ABCD3: variants seen among roughly 807,000 people sequenced by gnomAD.
ABCD3 encodes the protein ATP-binding cassette sub-family D member 3.
A neutral mutation model predicts 105.5 loss-of-function variants in ABCD3; 41 were observed. That is an observed-to-expected ratio of 0.39 (90% confidence interval 0.30 to 0.50). The LOEUF is 0.50. Ranked by LOEUF, ABCD3 falls within the 20% of genes least tolerant of loss-of-function variation. ABCD3 has a pLI of 0.84. For missense variants in ABCD3, 622 were observed against 806.3 expected, an observed-to-expected ratio of 0.77 and a Z score of 2.77; for synonymous variants, 258 against 269.0, an observed-to-expected ratio of 0.96 and a Z score of 0.40.
At chr1:94,506,390 A>G in intron 20 of ABCD3, 148 bp from the exon 21 acceptor site, 1 of 605,294 alleles carries the variant, frequency 1.7e-6, no homozygotes, top group Non-Finnish European at 3.0e-6. Flanking sequence ...TATTGTTTCT[A>G]TTTCTGGGAA....
At chr1:94,444,769 C>T (rs552130286) in intron 1 of ABCD3, among the ~76,000 whole-genome samples, 8 of 152,260 alleles carry the variant, frequency 5.3e-5, no homozygotes, top group Non-Finnish European at 1.0e-4. Context: ...TGTCTAGGTT[C>T]ACTTGTAAGA....
Position 94,458,590 on chromosome 1 carries a change from C to A in ABCD3, c.111-17C>A. The A allele has an allele frequency of 6.2e-7, 1 of 1,607,552 alleles. No individual in the cohort carries two copies. The highest frequency in any genetic ancestry group is 8.5e-7 in the Non-Finnish European group (1 of 1,174,456). ...TCACATAAAGTAAAGCTCTCTCTCTCTTTTTTTCCTCTGCAGTAAGAAAAG... is the reference window on the plus strand; with the variant it reads ...TCACATAAAGTAAAGCTCTCTCTCTATTTTTTTCCTCTGCAGTAAGAAAAG... On this transcript the variant is annotated splice_polypyrimidine_tract_variant and intron_variant, in intron 1 of 22. Transcript: ENST00000370214.
At chr1:94,390,271 C>A in the ABCD3 span, among the ~76,000 whole-genome samples, 2 of 151,986 alleles carry the variant, frequency 1.3e-5, no homozygotes, top group Non-Finnish European at 2.9e-5. Context: ...GATATCAATG[C>A]TCCTGCACTT....
At position 94,479,350 on chromosome 1, in the gene ABCD3, C is replaced by G. The variant is rs182472054; in HGVS notation, c.684+1035C>G. 4.8e-3 allele frequency among the ~76,000 whole-genome samples: 727 copies of G among 151,728 alleles called. 1 individual carries two copies. The highest frequency in any genetic ancestry group is 7.3e-3 in the Non-Finnish European group (497 of 67,942). On this transcript the variant is annotated intron_variant, in intron 8 of 22. Transcript: ENST00000370214. ...CTACTTGTTATCTGATTCTGCATTT[C>G]TTAAAGGCAGAAACTGTTTTAGTTA...
At chr1:94,387,643 G>T in the ABCD3 span, among the ~76,000 whole-genome samples, 4 of 152,132 alleles carry the variant, frequency 2.6e-5, no homozygotes, top group Non-Finnish European at 5.9e-5. Context: ...TCAAATGTAG[G>T]ATCAGGCATT....
At chr1:94,503,302 G>A (rs558710888) in intron 20 of ABCD3, among the ~76,000 whole-genome samples, 1 of 152,276 alleles carries the variant, frequency 6.6e-6, no homozygotes, top group Admixed American at 6.5e-5. Context: ...TCCTTTGGGA[G>A]CAGAGAGGAG....
At chr1:94,475,349 A>G (rs113318251) in intron 6 of ABCD3, 109 bp downstream of exon 6, 208 of 832,416 alleles carry the variant, frequency 2.5e-4, no homozygotes, top group African/African-American at 1.9e-3. Context: ...TAAGAAAACC[A>G]CTCTTAGGTA....
chr1:94,418,713 C>A, intron 1 of ABCD3, 125 bp downstream of exon 1: 1 of 971,380 alleles, frequency 1.0e-6, no homozygotes, highest in Non-Finnish European at 1.5e-6. Flanking sequence ...GGGCCGACCG[C>A]GACTGCCGTG....
At chr1:94,509,393 A>G (rs1159832955) in intron 21 of ABCD3, among the ~76,000 whole-genome samples, 1 of 152,124 alleles carries the variant, frequency 6.6e-6, no homozygotes, top group African/African-American at 2.4e-5. Flanking sequence ...GTTTGCGAGT[A>G]TTTTATTGAG....
intron 9 of ABCD3, 73 bp downstream of exon 9, chr1:94,480,679 A>G: frequency 2.0e-6 from 3 of 1,529,010 alleles, no homozygotes; most frequent in Non-Finnish European, 2.7e-6. Context: ...AATTGACTCC[A>G]AAAAGTCTAG....
At chr1:94,439,381 C>T (rs955526763) in intron 1 of ABCD3, among the ~76,000 whole-genome samples, 1 of 151,808 alleles carries the variant, frequency 6.6e-6, no homozygotes, top group Non-Finnish European at 1.5e-5. Context: ...GTGGCTCATA[C>T]CTATAATCCC....
chr1:94,499,533 T>C lies in ABCD3; in HGVS notation c.1659T>C (p.His553=), dbSNP rs755597127. Residue 553 remains histidine (H), a synonymous_variant, in exon 20 of 23, where the codon CAT becomes CAC. Transcript: ENST00000370214. The part of the protein sequence containing the change: ...KEYLDNVQLG[H]ILEREGGWDS... Reference sequence around the variant, plus strand: ...ACTTAGACAATGTCCAGTTGGGTCATATCCTTGAACGTGAAGGAGGCTGGG... The same window carrying C: ...ACTTAGACAATGTCCAGTTGGGTCACATCCTTGAACGTGAAGGAGGCTGGG... 3 of 1,613,608 alleles carry C rather than the reference T, an allele frequency of 1.9e-6. No individual in the cohort carries two copies. The highest frequency in any genetic ancestry group is 1.7e-5 in the Admixed American group (1 of 59,980).
chr1:94,424,294 T>C (rs1570729500), intron 1 of ABCD3, among the ~76,000 whole-genome samples: 1 of 152,208 alleles, frequency 6.6e-6, no homozygotes, highest in Admixed American at 6.5e-5. Context: ...TCAAGGCTTT[T>C]GCTCTTGCTG....
At chr1:94,444,331 C>CAAA (rs35583952) in intron 1 of ABCD3, among the ~76,000 whole-genome samples, 20 of 93,290 alleles carry the variant, frequency 2.1e-4, no homozygotes, top group African/African-American at 4.7e-4. Flanking sequence ...GACTCCATCT[C>CAAA]AAAAAAAAAA....
At chr1:94,480,028 G>A (rs751641066) in intron 8 of ABCD3, among the ~76,000 whole-genome samples, 1 of 151,942 alleles carries the variant, frequency 6.6e-6, no homozygotes, top group Non-Finnish European at 1.5e-5. Flanking sequence ...AAGAGTGATA[G>A]GACTAGAGGT....
chr1:94,447,959 C>T lies in ABCD3; in HGVS notation c.111-10648C>T, dbSNP rs577753220. Among the ~76,000 whole-genome samples the T allele has an allele frequency of 3.9e-5, 6 of 152,324 alleles. No homozygotes were observed. The East Asian group carries it at 1.2e-3, about 29-fold the overall frequency. The stretch of plus-strand genomic sequence containing the variant: ...CTATCCTTAGAGGAGATCCTAGTCT[C>T]ACTAGCCCTTGGCAATTAACAAAAG... On this transcript the variant is annotated intron_variant, in intron 1 of 22. Coordinates refer to ENST00000370214, the MANE Select transcript of ABCD3 (RefSeq NM_002858.4).
At chr1:94,492,220 G>A (rs1383186865) in intron 16 of ABCD3, among the ~76,000 whole-genome samples, 1 of 152,140 alleles carries the variant, frequency 6.6e-6, no homozygotes, top group African/African-American at 2.4e-5. Context: ...ATGGCCATCT[G>A]TAGTTTGTGT....
the ABCD3 span, chr1:94,406,357 T>TTTC: frequency 6.0e-5 from 13 of 218,046 alleles, no homozygotes; most frequent in Non-Finnish European, 7.3e-5. Context: ...TTTTTTTTTT[T>TTTC]ACAGTCCAGT....
At chr1:94,456,876 T>C (rs762089295) in intron 1 of ABCD3, among the ~76,000 whole-genome samples, 4 of 152,194 alleles carry the variant, frequency 2.6e-5, no homozygotes, top group Non-Finnish European at 4.4e-5. Flanking sequence ...CCAACAATGT[T>C]CAAGTGTTCT....
Sources: gnomAD v4.1 joint callset for allele counts (sites outside exome capture counted in the v4.1 genomes callset) on GRCh38, gnomAD v4.1.1 for gene constraint, MANE v1.5 for transcripts, NCBI Gene and HGNC (gene_info 2026-07-23, HGNC 2026-07-21) for gene names.